Variants in SLC44A1 observed in about 807,000 individuals in gnomAD.
SLC44A1 encodes solute carrier family 44 member 1, also known as choline transporter-like protein 1.
SLC44A1 carries 26 observed loss-of-function variants against 79.3 expected under a neutral mutation model. The observed-to-expected ratio is 0.33, with a 90% CI of 0.24 to 0.46. The LOEUF is 0.46. SLC44A1 is among the 20% of genes least tolerant of loss of function. SLC44A1 has a pLI of 1.00. For synonymous variants in SLC44A1, 263 were observed against 286.2 expected (o/e 0.92, Z 0.82); for missense variants, 688 against 798.1 (o/e 0.86, Z 1.66).
At chr9:105,301,795 A>G (rs1401450406) in intron 2 of SLC44A1, among the ~76,000 whole-genome samples, 1 of 152,252 alleles carries the variant, frequency 6.6e-6, no homozygotes, top group Non-Finnish European at 1.5e-5. Flanking sequence ...TGGCAAAGAT[A>G]GAATAGGAAC....
intron 3 of SLC44A1, among the ~76,000 whole-genome samples, chr9:105,315,699 G>A (rs958350777): frequency 6.6e-6 from 1 of 152,138 alleles, no homozygotes; most frequent in African/African-American, 2.4e-5. Context: ...ACTTTTTAAA[G>A]AGTTACTGAA....
rs534555317 is a variant in SLC44A1, at chr9:105,333,356, C to T, written c.270-2207C>T. 3.3e-5 allele frequency among the ~76,000 whole-genome samples: 5 copies of T among 152,258 alleles called. No individual in the cohort carries two copies. The East Asian group carries it at 7.7e-4, about 23-fold the overall frequency. ...TGTGTACTCAATGCCTCTCTCCCATCCCAGTTCCACTGCCCACCTCCCACC... is the reference window on the plus strand; with the variant it reads ...TGTGTACTCAATGCCTCTCTCCCATTCCAGTTCCACTGCCCACCTCCCACC... On this transcript the variant is annotated intron_variant, in intron 3 of 15. Coordinates refer to ENST00000374720, the MANE Select transcript of SLC44A1 (RefSeq NM_080546.5).
intron 5 of SLC44A1, among the ~76,000 whole-genome samples, chr9:105,353,149 CTTTAAA>C (rs1345630309): frequency 1.3e-5 from 2 of 151,866 alleles, no homozygotes; most frequent in Admixed American, 6.6e-5. Context: ...AATTTTATAC[CTTTAAA>C]TTTAGAGTAT....
chr9:105,279,715 A>G (rs1830306059), intron 1 of SLC44A1, among the ~76,000 whole-genome samples: 1 of 152,234 alleles, frequency 6.6e-6, no homozygotes, highest in African/African-American at 2.4e-5. Flanking sequence ...TACATCAGGA[A>G]TATATAAACC....
chr9:105,272,087 C>T (rs1270863280), intron 1 of SLC44A1, among the ~76,000 whole-genome samples: 1 of 152,166 alleles, frequency 6.6e-6, no homozygotes, highest in Non-Finnish European at 1.5e-5. Context: ...GAGTAGCTTG[C>T]ACATAATAAG....
chr9:105,254,533 C>G (rs1034661099), intron 1 of SLC44A1, among the ~76,000 whole-genome samples: 2 of 152,200 alleles, frequency 1.3e-5, no homozygotes, highest in Admixed American at 1.3e-4. Context: ...CCAATACTAT[C>G]TGCTATGGTT....
intron 12 of SLC44A1, among the ~76,000 whole-genome samples, chr9:105,369,248 A>T (rs1478022694): frequency 6.6e-6 from 1 of 152,232 alleles, no homozygotes; most frequent in East Asian, 1.9e-4. Flanking sequence ...TTTCATAGTT[A>T]TGTAGTTGAT....
At chr9:105,296,993 A>G (rs908076228) in intron 1 of SLC44A1, among the ~76,000 whole-genome samples, 3 of 152,218 alleles carry the variant, frequency 2.0e-5, no homozygotes, top group Non-Finnish European at 2.9e-5. Flanking sequence ...TGACAGAGCC[A>G]GGGAGAGAAC....
chr9:105,373,147 C>T (rs965798199), intron 12 of SLC44A1, among the ~76,000 whole-genome samples: 9 of 152,228 alleles, frequency 5.9e-5, no homozygotes, highest in Admixed American at 3.3e-4. Context: ...AAATTGTAGA[C>T]TATCTCTCCT....
intron 1 of SLC44A1, among the ~76,000 whole-genome samples, chr9:105,245,369 CCT>C (rs957948161): frequency 1.3e-5 from 2 of 152,250 alleles, no homozygotes; most frequent in Non-Finnish European, 2.9e-5. Context: ...GAGCTCTTCA[CCT>C]CTCCCACCGA....
chr9:105,278,866 A>G (rs1161735081), intron 1 of SLC44A1, among the ~76,000 whole-genome samples: 1 of 152,130 alleles, frequency 6.6e-6, no homozygotes, highest in African/African-American at 2.4e-5. Context: ...TTTAATCATG[A>G]GAAAACTTGT....
intron 1 of SLC44A1, among the ~76,000 whole-genome samples, chr9:105,290,726 G>T (rs1245934385): frequency 6.6e-6 from 1 of 152,166 alleles, no homozygotes; most frequent in Non-Finnish European, 1.5e-5. Context: ...ATCTCTCTGT[G>T]ATCTTTCTAT....
rs184432959 is a variant in SLC44A1 at position 105,271,493 on chromosome 9, T to C, written c.36+26589T>C. Among the ~76,000 whole-genome samples the C allele has an allele frequency of 1.6e-3, 242 of 152,316 alleles. 1 individual carries two copies. Among genetic ancestry groups the C allele is most frequent in the Non-Finnish European group, 7.1e-4 (48 of 68,032 alleles). The stretch of plus-strand genomic sequence containing the variant: ...GTAAAGGAACTCTAGTCTGCGGGAA[T>C]GGTACGAGCAAACACATAGAAGTGT... On this transcript the variant is annotated intron_variant, in intron 1 of 15. Coordinates refer to ENST00000374720, the MANE Select transcript of SLC44A1 (RefSeq NM_080546.5).
chr9:105,422,281 CTTTTT>C (rs554922812), intron 15 of SLC44A1, among the ~76,000 whole-genome samples: 1 of 95,908 alleles, frequency 1.0e-5, no homozygotes, highest in Non-Finnish European at 2.0e-5. Flanking sequence ...CTGCTCCATC[CTTTTT>C]TTTTTTTTTT....
chr9:105,245,870 T>A (rs1829431035), intron 1 of SLC44A1, among the ~76,000 whole-genome samples: 1 of 152,240 alleles, frequency 6.6e-6, no homozygotes, highest in Non-Finnish European at 1.5e-5. Context: ...AGAACTCGAC[T>A]ACTGGCCACT....
intron 1 of SLC44A1, among the ~76,000 whole-genome samples, chr9:105,261,660 C>A (rs1024178772): frequency 2.6e-5 from 4 of 151,710 alleles, no homozygotes; most frequent in Admixed American, 2.6e-4. Context: ...CTGGGCTCAA[C>A]AAAGAATGAG....
downstream of SLC44A1, among the ~76,000 whole-genome samples, chr9:105,401,586 C>A (rs1163225121): frequency 6.6e-6 from 1 of 151,774 alleles, no homozygotes; most frequent in Non-Finnish European, 1.5e-5. Context: ...TGGAGAGGAT[C>A]TGATAAAATT....
intron 3 of SLC44A1, among the ~76,000 whole-genome samples, chr9:105,322,564 A>T (rs1418140179): frequency 6.6e-6 from 1 of 152,192 alleles, no homozygotes; most frequent in Non-Finnish European, 1.5e-5. Context: ...TGAAAGGGGT[A>T]TTGCCATTCT....
intron 15 of SLC44A1, among the ~76,000 whole-genome samples, chr9:105,422,052 T>TA (rs1829258666): frequency 1.3e-5 from 2 of 152,162 alleles, no homozygotes; most frequent in South Asian, 4.1e-4. Flanking sequence ...GTGACAGCGT[T>TA]AGGTTGGACT....
Sources: gnomAD v4.1 joint callset for allele counts (sites outside exome capture counted in the v4.1 genomes callset) on GRCh38, gnomAD v4.1.1 for gene constraint, MANE v1.5 for transcripts, NCBI Gene and HGNC (gene_info 2026-07-23, HGNC 2026-07-21) for gene names.